Variants in PARD3 observed in about 807,000 individuals in gnomAD.
The protein encoded by PARD3 is par-3 family cell polarity regulator.
A neutral mutation model predicts 155.4 loss-of-function variants in PARD3; 75 were observed. The observed-to-expected ratio is 0.48, with a 90% CI of 0.40 to 0.58. The LOEUF (loss-of-function observed/expected upper bound fraction) is 0.58. PARD3 is among the 20% of genes least tolerant of loss of function. PARD3 has a pLI of 0.00. For missense variants in PARD3, 1,642 were observed against 1,721.7 expected (o/e 0.95, Z 0.82); for synonymous variants, 576 against 610.5 (o/e 0.94, Z 0.83).
chr10:34,808,946 G>C (rs1312119368), intron 1 of PARD3, among the ~76,000 whole-genome samples: 1 of 152,172 alleles, frequency 6.6e-6, no homozygotes, highest in Non-Finnish European at 1.5e-5. Flanking sequence ...CCAAGCATAG[G>C]TGTGTTCCAG....
chr10:34,391,695 T>C (rs946976820), intron 7 of PARD3, among the ~76,000 whole-genome samples: 2 of 152,254 alleles, frequency 1.3e-5, no homozygotes, highest in Non-Finnish European at 2.9e-5. Flanking sequence ...AGTGATTTTC[T>C]GAATATAGAT....
At chr10:34,140,582 G>T (rs1299138671) in intron 22 of PARD3, among the ~76,000 whole-genome samples, 1 of 152,194 alleles carries the variant, frequency 6.6e-6, no homozygotes, top group Admixed American at 6.5e-5. Context: ...TATTCACTAT[G>T]GCTCTATCTC....
intron 22 of PARD3, among the ~76,000 whole-genome samples, chr10:34,211,035 A>G (rs997460903): frequency 6.6e-6 from 1 of 152,136 alleles, no homozygotes; most frequent in African/African-American, 2.4e-5. Flanking sequence ...GTGTTATCTC[A>G]TTAACACGGA....
chr10:34,281,655 A>G (rs1956164279), intron 21 of PARD3, among the ~76,000 whole-genome samples: 1 of 152,208 alleles, frequency 6.6e-6, no homozygotes, highest in Non-Finnish European at 1.5e-5. Flanking sequence ...AATCTAGTAT[A>G]TTGTCACCAT....
At position 34,814,881 on chromosome 10, in the gene PARD3, C is replaced by G; in HGVS notation, c.115G>C (p.Ala39Pro). 6.8e-7 allele frequency: 1 copy of G among 1,460,868 alleles called. No individual in the cohort carries two copies. The highest frequency in any genetic ancestry group is 9.2e-7 in the Non-Finnish European group (1 of 1,091,004). 90.5% of individuals were successfully genotyped at this position (1,460,868 alleles called of 1,614,324 possible). A position where few individuals can be genotyped will look rare whatever the true frequency, so the allele number is the denominator to read the frequency against. The change falls in exon 1 of 25, where the codon GCC (alanine) becomes CCC (proline). Residue 39 changes from alanine to proline, a missense_variant. By Grantham distance (27) the Ala-to-Pro change is conservative. Around this residue, in one of 3 missense-constraint regions of PARD3, gnomAD observed 75 missense variants for 65.3 expected, o/e 1.15. Transcript: ENST00000374788. ...QAVTRYRKAI[A>P]KDPNYWIQVH... Reference sequence around the variant, plus strand: ...CCGCGCCCCCGGCCCCTCACCTTGGCGATGGCCTTCCGGTAGCGGGTCACC... The same window carrying G: ...CCGCGCCCCCGGCCCCTCACCTTGGGGATGGCCTTCCGGTAGCGGGTCACC...
intron 19 of PARD3, among the ~76,000 whole-genome samples, chr10:34,323,966 T>C (rs895112089): frequency 6.6e-6 from 1 of 152,248 alleles, no homozygotes; most frequent in African/African-American, 2.4e-5. Context: ...AAGGGCTGGC[T>C]ACACAATCGA....
intron 22 of PARD3, among the ~76,000 whole-genome samples, chr10:34,177,384 C>T (rs879773071): frequency 8.6e-5 from 13 of 152,004 alleles, no homozygotes; most frequent in Non-Finnish European, 1.6e-4. Flanking sequence ...TCAGAGCTTT[C>T]ATTTTCATTC....
At chr10:34,401,020 A>C (rs915224183) in intron 6 of PARD3, among the ~76,000 whole-genome samples, 1 of 152,196 alleles carries the variant, frequency 6.6e-6, no homozygotes, top group Non-Finnish European at 1.5e-5. Flanking sequence ...TGGCTGCCAT[A>C]CATTCAAACA....
chr10:34,171,892 G>C lies in PARD3; in HGVS notation c.3420-40309C>G, dbSNP rs953413840. Among the ~76,000 whole-genome samples the C allele has an allele frequency of 2.8e-4, 38 of 133,902 alleles. No homozygotes were observed. In the Admixed American group the frequency reaches 2.9e-3, roughly 10 times the overall value. 87.8% of individuals were successfully genotyped at this position (133,902 alleles called of 152,430 possible). On this transcript the variant is annotated intron_variant, in intron 22 of 24. Transcript: ENST00000374788. ...TTGAACCCAGGAGGTGGAGGTTTCAGTGAGTCAAGACTGAGCCACGGCATT... is the reference window on the plus strand; with the variant it reads ...TTGAACCCAGGAGGTGGAGGTTTCACTGAGTCAAGACTGAGCCACGGCATT...
At chr10:34,518,089 G>C (rs2081902555) in intron 2 of PARD3, among the ~76,000 whole-genome samples, 1 of 152,084 alleles carries the variant, frequency 6.6e-6, no homozygotes. Flanking sequence ...ATATTGGCCA[G>C]GCCAGTCTCA....
At chr10:34,737,428 A>G (rs2133858421) in intron 1 of PARD3, among the ~76,000 whole-genome samples, 1 of 152,318 alleles carries the variant, frequency 6.6e-6, no homozygotes, top group East Asian at 1.9e-4. Context: ...AAGGACTAAG[A>G]AAGACGTCTG....
chr10:34,186,944 T>C (rs915284612), intron 22 of PARD3, among the ~76,000 whole-genome samples: 1 of 152,176 alleles, frequency 6.6e-6, no homozygotes, highest in African/African-American at 2.4e-5. Flanking sequence ...GCCTACTGAA[T>C]TCGCTCCTCA....
chr10:34,693,520 T>C (rs946567196), intron 2 of PARD3, among the ~76,000 whole-genome samples: 2 of 152,122 alleles, frequency 1.3e-5, no homozygotes, highest in African/African-American at 2.4e-5. Context: ...AAATAATGCA[T>C]GATCTCACGT....
Position 34,341,613 on chromosome 10 carries a change from G to A in PARD3, c.2408+14C>T, listed in dbSNP as rs1014711796. ...AATTAATTCATGTTTTCCAACCCTGGACGATGAGCTTACCAGTCGGCTGAA... is the reference window on the plus strand; with the variant it reads ...AATTAATTCATGTTTTCCAACCCTGAACGATGAGCTTACCAGTCGGCTGAA... On this transcript the variant is annotated intron_variant, in intron 16 of 24. Coordinates refer to ENST00000374788, the MANE Select transcript of PARD3 (RefSeq NM_001184785.2). The A allele has an allele frequency of 1.2e-6, 2 of 1,603,592 alleles. No individual in the cohort carries two copies. The highest frequency in any genetic ancestry group is 2.7e-5 in the African/African-American group (2 of 74,500).
intron 12 of PARD3, among the ~76,000 whole-genome samples, chr10:34,368,360 T>C (rs927199846): frequency 2.6e-5 from 4 of 152,080 alleles, no homozygotes; most frequent in Non-Finnish European, 5.9e-5. Context: ...GAAGTTGGCG[T>C]CCGTATGGAC....
intron 12 of PARD3, among the ~76,000 whole-genome samples, chr10:34,368,830 TG>T (rs1477868037): frequency 8.5e-6 from 1 of 117,870 alleles, no homozygotes. Flanking sequence ...TATCAATCCA[TG>T]AGCAATGTAA....
At chr10:34,325,505 C>T (rs1204302704) in intron 19 of PARD3, among the ~76,000 whole-genome samples, 1 of 152,096 alleles carries the variant, frequency 6.6e-6, no homozygotes, top group Non-Finnish European at 1.5e-5. Flanking sequence ...CCTAATTCCA[C>T]ATCAGCTGGG....
chr10:34,145,226 T>A (rs1304703152), intron 22 of PARD3, among the ~76,000 whole-genome samples: 206 of 92,706 alleles, frequency 2.2e-3, no homozygotes, highest in African/African-American at 7.5e-3. Flanking sequence ...TATATATTTT[T>A]TTTTTTTTTT....
At chr10:34,582,360 T>C (rs1401496942) in intron 2 of PARD3, among the ~76,000 whole-genome samples, 1 of 152,218 alleles carries the variant, frequency 6.6e-6, no homozygotes, top group Non-Finnish European at 1.5e-5. Context: ...ACACTGCTTA[T>C]ATTTCCTCCT....
Sources: allele counts gnomAD v4.1 joint callset (sites outside exome capture counted in the v4.1 genomes callset), GRCh38; gene constraint gnomAD v4.1.1; regional missense constraint gnomAD v4.1.1; transcripts MANE v1.5; gene names NCBI Gene and HGNC (gene_info 2026-07-23, HGNC 2026-07-21).